Variants in GPC3 observed in about 807,000 individuals in gnomAD.
GPC3 encodes the protein glypican 3.
A neutral mutation model predicts 34.4 loss-of-function variants in GPC3; 3 were observed. The observed-to-expected ratio is 0.09, with a 90% CI of 0.04 to 0.23. The LOEUF (loss-of-function observed/expected upper bound fraction) is 0.23. Among genes scored for constraint, GPC3 ranks in the 10% least tolerant of loss-of-function variants. GPC3 has a pLI of 1.00. For synonymous variants in GPC3, 177 were observed against 174.0 expected (o/e 1.02, Z -0.13); for missense variants, 351 against 445.6 (o/e 0.79, Z 1.91).
In GPC3 at chrX:133,754,191, A is replaced by G. The variant is rs772307732; in HGVS notation, c.338-15T>C. 9.0e-7 allele frequency: 1 copy of G among 1,106,926 alleles called. No individual in the cohort carries two copies. Among genetic ancestry groups the G allele is most frequent in the Non-Finnish European group, 1.2e-6 (1 of 810,864 alleles). 91.2% of individuals were successfully genotyped at this position (1,106,926 alleles called of 1,213,427 possible). ...TTCAAAGGCCTCTGTAAAAAAAAAA[A>G]AAAAAGAGACACAAAAATGTGTACA... On this transcript the variant is annotated splice_polypyrimidine_tract_variant and intron_variant, in intron 2 of 7. Transcript: ENST00000370818.
At chrX:133,714,323 G>A (rs938966794) in intron 3 of GPC3, among the ~76,000 whole-genome samples, 1 of 111,680 alleles carries the variant, frequency 9.0e-6, no homozygotes, top group African/African-American at 3.2e-5. Flanking sequence ...TTCCACTAAA[G>A]TATTTTATTT....
chrX:133,940,500 A>G (rs1035801125), intron 2 of GPC3, among the ~76,000 whole-genome samples: 13 of 111,403 alleles, frequency 1.2e-4, no homozygotes, highest in Admixed American at 2.9e-4. Context: ...ATAATACCTA[A>G]TGGTGTTATT....
intron 2 of GPC3, among the ~76,000 whole-genome samples, chrX:133,758,538 G>A (rs2071752173): frequency 9.0e-6 from 1 of 110,563 alleles, no homozygotes; most frequent in Admixed American, 9.7e-5. Context: ...AACACACACT[G>A]GGGCTTGTTG....
intron 2 of GPC3, among the ~76,000 whole-genome samples, chrX:133,779,162 C>A (rs2072019716): frequency 8.9e-6 from 1 of 112,169 alleles, no homozygotes; most frequent in Non-Finnish European, 1.9e-5. Context: ...TCCCTTGACC[C>A]CCATGACGCT....
intron 5 of GPC3, among the ~76,000 whole-genome samples, chrX:133,691,216 C>G (rs781563076): frequency 9.0e-6 from 1 of 111,278 alleles, no homozygotes; most frequent in African/African-American, 3.3e-5. Context: ...AACAAATACT[C>G]GGCTGGGTGG....
At chrX:133,580,101 T>C (rs2124311338) in intron 7 of GPC3, among the ~76,000 whole-genome samples, 1 of 111,904 alleles carries the variant, frequency 8.9e-6, no homozygotes, top group South Asian at 3.8e-4. Flanking sequence ...ATTGGAGATG[T>C]AGGTTGGGGC....
At chrX:133,783,710 A>T (rs1405504363) in intron 2 of GPC3, among the ~76,000 whole-genome samples, 1 of 112,057 alleles carries the variant, frequency 8.9e-6, no homozygotes, top group Admixed American at 9.5e-5. Flanking sequence ...TTCAGAGTCA[A>T]ATGCAAAGAG....
At chrX:133,653,460 C>CACCTTATTAT (rs1228568331) in intron 6 of GPC3, among the ~76,000 whole-genome samples, 1 of 111,326 alleles carries the variant, frequency 9.0e-6, no homozygotes, top group Admixed American at 9.6e-5. Context: ...ATAAGATGTC[C>CACCTTATTAT]AGGAAGGTGG....
intron 2 of GPC3, among the ~76,000 whole-genome samples, chrX:133,780,321 G>A (rs1295387867): frequency 8.9e-6 from 1 of 111,753 alleles, no homozygotes. Flanking sequence ...AACTATTTCA[G>A]AGTATCCCTT....
At chrX:133,660,966 T>C (rs149110351) in intron 6 of GPC3, among the ~76,000 whole-genome samples, 6,091 of 110,414 alleles carry the variant, frequency 0.055, 427 homozygotes, top group African/African-American at 0.19. Flanking sequence ...CCCAGGAGTT[T>C]GAGACCAGCC....
chrX:133,668,149 C>A lies in GPC3; in HGVS notation c.1293-6299G>T, dbSNP rs141545706. 2.6e-3 allele frequency among the ~76,000 whole-genome samples: 291 copies of A among 110,325 alleles called. 1 individual carries two copies. Among genetic ancestry groups the A allele is most frequent in the African/African-American group, 9.2e-3 (280 of 30,324 alleles). On this transcript the variant is annotated intron_variant, in intron 5 of 7. Transcript: ENST00000370818. ...TGATCTCCTGACTTCATGATCCGCC[C>A]GCCCACCTCGGCCTCCCAAAATGCT... is the stretch of plus-strand genomic sequence containing the variant.
At chrX:133,772,802 A>G (rs956806324) in intron 2 of GPC3, among the ~76,000 whole-genome samples, 10 of 111,488 alleles carry the variant, frequency 9.0e-5, no homozygotes, top group African/African-American at 3.3e-4. Flanking sequence ...TTATTATTTA[A>G]TTATTATGAT....
intron 1 of GPC3, among the ~76,000 whole-genome samples, chrX:133,958,196 C>T (rs1190609417): frequency 8.9e-6 from 1 of 111,945 alleles, no homozygotes; most frequent in Admixed American, 9.5e-5. Flanking sequence ...TTAATGAGGG[C>T]TGCAGATTGA....
chrX:133,631,272 T>A (rs772750516), intron 6 of GPC3, among the ~76,000 whole-genome samples: 2 of 111,761 alleles, frequency 1.8e-5, no homozygotes, highest in East Asian at 2.8e-4. Context: ...CTCCCCATAG[T>A]CCCTGGCAAC....
intron 5 of GPC3, among the ~76,000 whole-genome samples, chrX:133,667,410 G>A (rs2070778588): frequency 8.9e-6 from 1 of 111,846 alleles, no homozygotes; most frequent in Non-Finnish European, 1.9e-5. Flanking sequence ...TAAGAGTTAT[G>A]TTGGCAATCA....
intron 6 of GPC3, among the ~76,000 whole-genome samples, chrX:133,642,877 C>T (rs1044852292): frequency 9.1e-6 from 1 of 109,710 alleles, no homozygotes; most frequent in African/African-American, 3.3e-5. Flanking sequence ...AATTTAAGTT[C>T]TAGAATACTG....
chrX:133,661,701 A>G (rs781349337), intron 6 of GPC3, 29 bp downstream of exon 6: 6 of 818,412 alleles, frequency 7.3e-6, no homozygotes, highest in South Asian at 4.7e-5. Context: ...TCTACTTTTT[A>G]TTATTATTAT....
At chrX:133,607,214 A>G (rs1451750781) in intron 6 of GPC3, among the ~76,000 whole-genome samples, 1 of 110,208 alleles carries the variant, frequency 9.1e-6, no homozygotes, top group Non-Finnish European at 1.9e-5. Context: ...CAGCCTGAAA[A>G]CTTTCCTCAG....
intron 3 of GPC3, among the ~76,000 whole-genome samples, chrX:133,732,719 C>A (rs951713501): frequency 6.3e-5 from 7 of 111,651 alleles, no homozygotes; most frequent in African/African-American, 2.0e-4. Context: ...AGAAAGAGAT[C>A]TGTAGAGGAT....
Sources: gnomAD v4.1 joint callset for allele counts (sites outside exome capture counted in the v4.1 genomes callset) on GRCh38, gnomAD v4.1.1 for gene constraint, MANE v1.5 for transcripts, NCBI Gene and HGNC (gene_info 2026-07-23, HGNC 2026-07-21) for gene names.